BMPR1A: variants seen among roughly 807,000 people sequenced by gnomAD.
BMPR1A encodes the protein bone morphogenetic protein receptor type-1A.
In BMPR1A, 7 loss-of-function variants were observed where a neutral mutation model predicts 66.0. The observed-to-expected ratio is 0.11, with a 90% confidence interval of 0.06 to 0.20. BMPR1A has a LOEUF of 0.20. Among genes scored for constraint, BMPR1A ranks in the 10% least tolerant of loss-of-function variants. The pLI is 1.00. For synonymous variants in BMPR1A, 200 were observed against 229.7 expected, an observed-to-expected ratio of 0.87 and a Z score of 1.17; for missense variants, 408 against 669.1, an observed-to-expected ratio of 0.61 and a Z score of 4.31.
chr10:86,854,817 C>A, intron 2 of BMPR1A: 2 of 252,812 alleles, frequency 7.9e-6, no homozygotes, highest in African/African-American at 2.3e-5. Flanking sequence ...GGTTTAATGG[C>A]TGTATCTGAG....
intron 2 of BMPR1A, among the ~76,000 whole-genome samples, chr10:86,875,545 T>C (rs1033830095): frequency 5.3e-5 from 8 of 152,154 alleles, no homozygotes; most frequent in African/African-American, 1.9e-4. Context: ...TTTTCCTGTT[T>C]AAGTCTTAAT....
intron 2 of BMPR1A, among the ~76,000 whole-genome samples, chr10:86,847,405 A>T (rs1460201863): frequency 2.0e-5 from 3 of 151,714 alleles, no homozygotes; most frequent in Non-Finnish European, 2.9e-5. Context: ...ACCTCTGATT[A>T]TATCTTATGT....
chr10:86,801,957 G>GC (rs1841817910), intron 1 of BMPR1A, among the ~76,000 whole-genome samples: 1 of 151,856 alleles, frequency 6.6e-6, no homozygotes. Context: ...CTTGTGATCT[G>GC]CCCCCCTCCG....
chr10:86,888,200 A>G (rs7095506), intron 3 of BMPR1A, among the ~76,000 whole-genome samples: 2,477 of 145,438 alleles, frequency 0.017, 73 homozygotes, highest in African/African-American at 0.061. Context: ...ACGGTGGCTC[A>G]TGCCTGTAAT....
chr10:86,871,136 C>G (rs1842850038), intron 2 of BMPR1A, among the ~76,000 whole-genome samples: 1 of 152,182 alleles, frequency 6.6e-6, no homozygotes, highest in Non-Finnish European at 1.5e-5. Flanking sequence ...CTTTGCCTGA[C>G]TGACTCTATT....
intron 1 of BMPR1A, among the ~76,000 whole-genome samples, chr10:86,837,775 CA>C (rs1842373378): frequency 6.6e-6 from 1 of 152,116 alleles, no homozygotes; most frequent in African/African-American, 2.4e-5. Context: ...TGAATGCAGA[CA>C]AAGCATTACT....
rs1477566231 is a variant in BMPR1A, at chr10:86,921,726, G to A, written c.1342+31G>A. 5 of 1,613,694 alleles carry A rather than the reference G, an allele frequency of 3.1e-6. No individual in the cohort carries two copies. The African/African-American group carries it at 6.7e-5, about 22-fold the overall frequency. ...AGTTTGAGTAGTTTCTGATTATGTT[G>A]ATTTACTCATCATTTTAAAAATAAC... is the stretch of plus-strand genomic sequence containing the variant. On this transcript the variant is annotated intron_variant, in intron 11 of 12. Coordinates refer to ENST00000372037, the MANE Select transcript of BMPR1A (RefSeq NM_004329.3).
chr10:86,918,328 GC>G (rs1843607437), intron 9 of BMPR1A, among the ~76,000 whole-genome samples: 2 of 152,168 alleles, frequency 1.3e-5, no homozygotes, highest in Admixed American at 6.5e-5. Flanking sequence ...TCAGTACATA[GC>G]ACTCACTGAC....
chr10:86,818,028 T>TA, intron 1 of BMPR1A, among the ~76,000 whole-genome samples: 1 of 152,342 alleles, frequency 6.6e-6, no homozygotes, highest in East Asian at 1.9e-4. Context: ...CTTTGATTAA[T>TA]ATTTTTTCGA....
chr10:86,796,412 T>A (rs1841709872), intron 1 of BMPR1A, among the ~76,000 whole-genome samples: 1 of 152,068 alleles, frequency 6.6e-6, no homozygotes, highest in Non-Finnish European at 1.5e-5. Flanking sequence ...ATTAATAATG[T>A]TCATCAATTT....
chr10:86,795,317 A>T (rs1156863942), intron 1 of BMPR1A, among the ~76,000 whole-genome samples: 3 of 152,046 alleles, frequency 2.0e-5, no homozygotes, highest in Non-Finnish European at 2.9e-5. Context: ...TAGACATTTT[A>T]CTCAGATAGT....
At chr10:86,876,124 TAA>T (rs1842919231) in intron 3 of BMPR1A, 39 bp downstream of exon 3, 6 of 1,545,838 alleles carry the variant, frequency 3.9e-6, no homozygotes, top group Non-Finnish European at 5.4e-6. Flanking sequence ...TGTGTGTATA[TAA>T]AAAGCACTAT....
At chr10:86,782,226 T>C (rs1841448099) in intron 1 of BMPR1A, among the ~76,000 whole-genome samples, 1 of 152,236 alleles carries the variant, frequency 6.6e-6, no homozygotes, top group African/African-American at 2.4e-5. Flanking sequence ...TTGATCCATT[T>C]ATCTGTTGAG....
intron 3 of BMPR1A, 26 bp downstream of exon 3, chr10:86,876,111 G>GT (rs1842918874): frequency 6.4e-7 from 1 of 1,572,696 alleles, no homozygotes; most frequent in Non-Finnish European, 8.7e-7. Context: ...TTTTAGTAAT[G>GT]TATGTGTGTA....
At chr10:86,879,973 C>T (rs538811953) in intron 3 of BMPR1A, among the ~76,000 whole-genome samples, 1 of 152,274 alleles carries the variant, frequency 6.6e-6, no homozygotes, top group African/African-American at 2.4e-5. Context: ...TCTGGTGTTC[C>T]TTGGCTAGTG....
At chr10:86,864,282 A>G (rs1234106653) in intron 2 of BMPR1A, among the ~76,000 whole-genome samples, 1 of 152,080 alleles carries the variant, frequency 6.6e-6, no homozygotes, top group African/African-American at 2.4e-5. Flanking sequence ...TGTTCCCCTC[A>G]TGACACCGAC....
intron 1 of BMPR1A, among the ~76,000 whole-genome samples, chr10:86,804,036 AGTTTT>A (rs1841850107): frequency 6.6e-6 from 1 of 152,162 alleles, no homozygotes; most frequent in South Asian, 2.1e-4. Flanking sequence ...TTTTCTAACC[AGTTTT>A]GTTAATACAT....
chr10:86,858,638 A>G (rs1308652911), intron 2 of BMPR1A, among the ~76,000 whole-genome samples: 1 of 152,210 alleles, frequency 6.6e-6, no homozygotes, highest in African/African-American at 2.4e-5. Context: ...TAGTGTTTCT[A>G]TACACCAATA....
At chr10:86,826,733 A>G (rs1261990171) in intron 1 of BMPR1A, among the ~76,000 whole-genome samples, 3 of 151,768 alleles carry the variant, frequency 2.0e-5, no homozygotes, top group Non-Finnish European at 4.4e-5. Context: ...TATTTGTTTT[A>G]ATATACTTCT....
Sources: allele counts gnomAD v4.1 joint callset (sites outside exome capture counted in the v4.1 genomes callset), GRCh38; gene constraint gnomAD v4.1.1; transcripts MANE v1.5; gene names NCBI Gene and HGNC (gene_info 2026-07-23, HGNC 2026-07-21).